Variants in ZNF211 observed in about 807,000 individuals in gnomAD.
ZNF211 encodes the protein zinc finger protein C2H2-25.
In ZNF211, 18 loss-of-function variants were observed where a neutral mutation model predicts 12.1. The observed-to-expected ratio is 1.48, with a 90% CI of 1.03 to 2.20. The LOEUF (loss-of-function observed/expected upper bound fraction) is 2.20, where lower values mean the gene tolerates loss of function less well. ZNF211 is among the 30% of genes most tolerant of loss of function. ZNF211 has a pLI of 0.00. For synonymous variants in ZNF211, 249 were observed against 246.0 expected, an observed-to-expected ratio of 1.01 and a Z score of -0.11; for missense variants, 677 against 703.1, an observed-to-expected ratio of 0.96 and a Z score of 0.42.
chr19:57,635,352 A>G (rs1488225251), intron 3 of ZNF211, among the ~76,000 whole-genome samples: 1 of 152,192 alleles, frequency 6.6e-6, no homozygotes, highest in Non-Finnish European at 1.5e-5. Context: ...CCATCCTTCT[A>G]TAGTACTTTT....
intron 3 of ZNF211, 50 bp downstream of exon 3, chr19:57,634,805 T>A: frequency 6.8e-7 from 1 of 1,464,616 alleles, no homozygotes; most frequent in African/African-American, 1.4e-5. Flanking sequence ...TCTCTGTTTC[T>A]CCTTTTCCTC....
At position 57,642,385 on chromosome 19, in the gene ZNF211, G is replaced by GACCA; in HGVS notation, c.*204_*205insACCA. 1.7e-6 allele frequency: 1 copy of GACCA among 585,224 alleles called. No individual in the cohort carries two copies. Among genetic ancestry groups the GACCA allele is most frequent in the Non-Finnish European group, 2.9e-6 (1 of 346,804 alleles). 36.3% of individuals were successfully genotyped at this position (585,224 alleles called of 1,614,324 possible). A position where few individuals can be genotyped will look rare whatever the true frequency, so the allele number is the denominator to read the frequency against. On this transcript the variant is annotated 3_prime_UTR_variant, in exon 4 of 4. Coordinates refer to ENST00000240731, the MANE Select transcript of ZNF211 (RefSeq NM_006385.5). Reference sequence around the variant, plus strand: ...TTCTCACCTGCCATTTATGGCTCTTGCCGTTTATGTCACTGACAGTTTCTG... The same window carrying GACCA: ...TTCTCACCTGCCATTTATGGCTCTTGACCACCGTTTATGTCACTGACAGTTTCTG...
intron 3 of ZNF211, among the ~76,000 whole-genome samples, chr19:57,635,206 T>C (rs1189392776): frequency 6.6e-6 from 1 of 152,254 alleles, no homozygotes; most frequent in Non-Finnish European, 1.5e-5. Context: ...AGACTGTTCT[T>C]ATAGAAACCT....
At chr19:57,633,625 G>A (rs1981729062) in intron 1 of ZNF211, 189 bp downstream of exon 1, 2 of 1,532,442 alleles carry the variant, frequency 1.3e-6, no homozygotes, top group African/African-American at 1.4e-5. Context: ...GCTTGGACGG[G>A]CAACCGAGAA....
Position 57,633,448 on chromosome 19 carries a change from G to C in ZNF211, c.90+12G>C. 1 of 1,590,042 alleles carries C rather than the reference G, an allele frequency of 6.3e-7. No individual in the cohort carries two copies. Among genetic ancestry groups the C allele is most frequent in the Non-Finnish European group, 8.5e-7 (1 of 1,173,742 alleles). On this transcript the variant is annotated intron_variant, in intron 1 of 3. Coordinates refer to ENST00000240731, the MANE Select transcript of ZNF211 (RefSeq NM_006385.5). ...GGGACCCGGCTTCGGTGAGCGCTGC[G>C]ATCTCCGGGCCTCCCCCGGCCGAGA...
In ZNF211 at chr19:57,640,970, C is replaced by T. The variant is rs753296126; in HGVS notation, c.523C>T (p.Pro175Ser). The T allele has an allele frequency of 6.2e-7, 1 of 1,614,186 alleles. No homozygotes were observed. Among genetic ancestry groups the T allele is most frequent in the South Asian group, 1.1e-5 (1 of 91,082 alleles). The stretch of plus-strand genomic sequence containing the variant: ...CCAGAGGCAGCACATTACAGAGGCA[C>T]CTTTCAGAAGTTATGTGGACACTGC... ...QHQRQHITEA[P>S]FRSYVDTASF... is the part of the protein sequence containing the mutation. Residue 175 changes from proline to serine, a missense_variant, in exon 4 of 4, where the codon CCT (proline) becomes TCT (serine). Pro to Ser is a moderately conservative substitution (Grantham distance 74, BLOSUM62 -1). Coordinates refer to ENST00000240731, the MANE Select transcript of ZNF211 (RefSeq NM_006385.5).
chr19:57,641,456 C>G lies in ZNF211; in HGVS notation c.1009C>G (p.Gln337Glu). ...ACPECGKSFS[Q>E]IYSLNSHRKV... Reference sequence around the variant, plus strand: ...CCCTGAATGTGGGAAATCGTTTAGTCAGATATACAGCCTCAATAGCCATAG... The same window carrying G: ...CCCTGAATGTGGGAAATCGTTTAGTGAGATATACAGCCTCAATAGCCATAG... Residue 337 changes from glutamine (Q) to glutamate (E), a missense_variant, in exon 4 of 4, where the codon CAG becomes GAG. Gln to Glu is a conservative substitution (Grantham distance 29). Transcript: ENST00000240731. 1 of 1,610,916 alleles carries G rather than the reference C, an allele frequency of 6.2e-7. No individual in the cohort carries two copies.
chr19:57,639,795 T>A, intron 3 of ZNF211: 7 of 1,145,114 alleles, frequency 6.1e-6, no homozygotes, highest in Non-Finnish European at 8.3e-6. Flanking sequence ...ATCCTAAAGT[T>A]ACAACACTCT....
rs546554364 is a variant in ZNF211 at position 57,641,808 on chromosome 19, G to T, written c.1361G>T (p.Ser454Ile). 1.2e-6 allele frequency: 2 copies of T among 1,612,376 alleles called. No homozygotes were observed. The highest frequency in any genetic ancestry group is 2.2e-5 in the East Asian group (1 of 44,708). Residue 454 changes from serine (S) to isoleucine (I), a missense_variant, in exon 4 of 4, where the codon AGT becomes ATT. By Grantham distance (142) the Ser-to-Ile change is moderately radical. Coordinates refer to ENST00000240731, the MANE Select transcript of ZNF211 (RefSeq NM_006385.5). ...TCATTTAAGCAAAGCTCCAGCTTCA[G>T]TTCACATCGGAAAGTCCACACAGGG... is the stretch of plus-strand genomic sequence containing the variant. ...GKSFKQSSSF[S>I]SHRKVHTGER...
chr19:57,641,625 A>C lies in ZNF211; in HGVS notation c.1178A>C (p.Gln393Pro). ...ECSECGKSFS[Q>P]NFSLIYHQRV... ...AGCGAATGTGGGAAATCTTTTAGCC[A>C]AAACTTTAGCCTGATCTACCACCAG... The change falls in exon 4 of 4, where the codon CAA (glutamine) becomes CCA (proline). Residue 393 changes from glutamine (Q) to proline (P), a missense_variant. Physicochemically the swap from Gln to Pro is moderately conservative, Grantham distance 76 (BLOSUM62 -1). Coordinates refer to ENST00000240731, the MANE Select transcript of ZNF211 (RefSeq NM_006385.5). 3.1e-6 allele frequency: 5 copies of C among 1,613,372 alleles called. No homozygotes were observed. The highest frequency in any genetic ancestry group is 4.2e-6 in the Non-Finnish European group (5 of 1,179,498).
intron 3 of ZNF211, 133 bp from the exon 4 acceptor site, chr19:57,640,571 G>A: frequency 8.6e-7 from 1 of 1,158,090 alleles, no homozygotes; most frequent in Admixed American, 2.8e-5. Context: ...TCCTCAACCT[G>A]ACCCCCCAAC....
intron 3 of ZNF211, chr19:57,640,127 A>G: frequency 3.4e-6 from 5 of 1,486,442 alleles, no homozygotes; most frequent in South Asian, 1.3e-5. Context: ...TGCCATTGCC[A>G]GAGACACTTC....
At chr19:57,637,016 G>T (rs955491679) in intron 3 of ZNF211, among the ~76,000 whole-genome samples, 1 of 152,126 alleles carries the variant, frequency 6.6e-6, no homozygotes, top group Non-Finnish European at 1.5e-5. Flanking sequence ...GTATAGAAAC[G>T]TAACTGATTT....
At chr19:57,639,859 C>T in intron 3 of ZNF211, 1 of 1,445,898 alleles carries the variant, frequency 6.9e-7, no homozygotes, top group Non-Finnish European at 9.1e-7. Flanking sequence ...CTTTTTTGTG[C>T]CGTGTTGTTC....
chr19:57,642,479 T>C lies in ZNF211; in HGVS notation c.*298T>C. 3.4e-6 allele frequency: 1 copy of C among 291,076 alleles called. No homozygotes were observed. The highest frequency in any genetic ancestry group is 6.5e-6 in the Non-Finnish European group (1 of 154,510). 18.0% of individuals were successfully genotyped at this position (291,076 alleles called of 1,614,324 possible). A position where few individuals can be genotyped will look rare whatever the true frequency, so the allele number is the denominator to read the frequency against. On this transcript the variant is annotated 3_prime_UTR_variant, in exon 4 of 4. Transcript: ENST00000240731. ...GTGTGTATCATTTACCTCCTGAACC[T>C]GCTCAAGGAAGCAGACCTCTGCTTC...
Position 57,642,325 on chromosome 19 carries a change from C to G in ZNF211, c.*144C>G, listed in dbSNP as rs1599978615. On this transcript the variant is annotated 3_prime_UTR_variant, in exon 4 of 4. Transcript: ENST00000240731. The stretch of plus-strand genomic sequence containing the variant: ...CCCCTTAAGTTCCAGGTATGTGTTA[C>G]ACTTTCTAACATGCCATTTAGAAAG... 9.2e-6 allele frequency: 8 copies of G among 872,918 alleles called. No individual in the cohort carries two copies. The highest frequency in any genetic ancestry group is 1.4e-5 in the Non-Finnish European group (8 of 580,998). 54.1% of individuals were successfully genotyped at this position (872,918 alleles called of 1,614,324 possible).
rs1235329033 is a variant in ZNF211 at position 57,641,083 on chromosome 19, G to A, written c.636G>A (p.Arg212=). The change falls in exon 4 of 4, where the codon AGG becomes AGA. Residue 212 remains arginine, a synonymous_variant. Coordinates refer to ENST00000240731, the MANE Select transcript of ZNF211 (RefSeq NM_006385.5). ...EIRKDFLANM[R]FLHQDATQTG... ...GGAAAGACTTCCTGGCCAACATGAG[G>A]TTTCTCCATCAAGACGCCACTCAAA... The A allele has an allele frequency of 6.2e-7, 1 of 1,614,142 alleles. No individual in the cohort carries two copies. Among genetic ancestry groups the A allele is most frequent in the East Asian group, 2.2e-5 (1 of 44,886 alleles).
At position 57,643,290 on chromosome 19, in the gene ZNF211, G is replaced by A. The variant is rs1439164903; in HGVS notation, c.*1109G>A. Among the ~76,000 whole-genome samples the A allele has an allele frequency of 6.6e-6, 1 of 152,058 alleles. No individual in the cohort carries two copies. The highest frequency in any genetic ancestry group is 1.5e-5 in the Non-Finnish European group (1 of 68,030). ...GAGACTGCAGCAAACTAGATGGAATGTGCTCCTTGTAATATGTTCTAGTAA... is the reference window on the plus strand; with the variant it reads ...GAGACTGCAGCAAACTAGATGGAATATGCTCCTTGTAATATGTTCTAGTAA... On this transcript the variant is annotated 3_prime_UTR_variant, in exon 4 of 4. Coordinates refer to ENST00000240731, the MANE Select transcript of ZNF211 (RefSeq NM_006385.5).
Position 57,634,678 on chromosome 19 carries a change from G to A in ZNF211, c.179G>A (p.Trp60Ter), listed in dbSNP as rs1283784678. 1 of 1,604,750 alleles carries A rather than the reference G, an allele frequency of 6.2e-7. No individual in the cohort carries two copies. The highest frequency in any genetic ancestry group is 1.3e-5 in the African/African-American group (1 of 74,390). ...GCCGTGTACTTCTCCTGGGAGGAAT[G>A]GGATCTCCTTGATGAGGCTCAGAAA... The part of the protein sequence containing the change: ...DVAVYFSWEE[W>*]DLLDEAQKHL... Residue 60 changes from tryptophan to a stop codon, truncating the protein, a stop_gained, in exon 3 of 4, where the codon TGG (tryptophan) becomes TAG (stop). Coordinates refer to ENST00000240731, the MANE Select transcript of ZNF211 (RefSeq NM_006385.5). LOFTEE classifies it high-confidence loss of function.
Sources: gnomAD v4.1 joint callset for allele counts (sites outside exome capture counted in the v4.1 genomes callset) on GRCh38, gnomAD v4.1.1 for gene constraint, MANE v1.5 for transcripts, NCBI Gene and HGNC (gene_info 2026-07-23, HGNC 2026-07-21) for gene names.